Variants in CLPB observed in about 807,000 individuals in gnomAD.
CLPB encodes the protein ClpB family mitochondrial disaggregase.
In CLPB, 40 loss-of-function variants were observed where a neutral mutation model predicts 78.4. The observed-to-expected ratio is 0.51, with a 90% CI of 0.40 to 0.66. CLPB has a LOEUF of 0.66. Ranked by LOEUF, CLPB falls within the 30% of genes least tolerant of loss-of-function variation. The pLI, the probability that CLPB is intolerant of heterozygous loss-of-function variation, is 0.00. For missense variants in CLPB, 780 were observed against 886.9 expected, an observed-to-expected ratio of 0.88 and a Z score of 1.53; for synonymous variants, 333 against 348.0, an observed-to-expected ratio of 0.96 and a Z score of 0.48.
chr11:72,303,528 T>G (rs888872223), intron 9 of CLPB, among the ~76,000 whole-genome samples: 12 of 152,222 alleles, frequency 7.9e-5, no homozygotes, highest in African/African-American at 2.9e-4. Flanking sequence ...CTCCCCTTTT[T>G]GAGCTGCAGT....
At chr11:72,343,125 T>C (rs944624020) in intron 5 of CLPB, among the ~76,000 whole-genome samples, 1 of 152,150 alleles carries the variant, frequency 6.6e-6, no homozygotes, top group Non-Finnish European at 1.5e-5. Context: ...CAAAGCCAAG[T>C]AGAGCCCTCT....
intron 2 of CLPB, among the ~76,000 whole-genome samples, chr11:72,415,766 G>C (rs2135123515): frequency 6.6e-6 from 1 of 152,292 alleles, no homozygotes; most frequent in East Asian, 1.9e-4. Context: ...GTGTAACGCA[G>C]CTGCCAAGAA....
At chr11:72,305,214 T>C (rs1471029888) in intron 9 of CLPB, among the ~76,000 whole-genome samples, 1 of 152,168 alleles carries the variant, frequency 6.6e-6, no homozygotes, top group Non-Finnish European at 1.5e-5. Flanking sequence ...AGAGACTGGA[T>C]TGATTCTGGT....
intron 5 of CLPB, among the ~76,000 whole-genome samples, chr11:72,347,859 A>G (rs1950544288): frequency 1.3e-5 from 2 of 152,178 alleles, no homozygotes; most frequent in South Asian, 2.1e-4. Flanking sequence ...GTAAAAGAGG[A>G]AGGTAGAAGA....
At chr11:72,377,227 G>A (rs1476691767) in intron 4 of CLPB, among the ~76,000 whole-genome samples, 1 of 152,164 alleles carries the variant, frequency 6.6e-6, no homozygotes, top group African/African-American at 2.4e-5. Flanking sequence ...TGAGAATGCT[G>A]AATAATGCAT....
intron 1 of CLPB, 59 bp downstream of exon 1, chr11:72,434,013 T>G (rs193145330): frequency 1.9e-6 from 3 of 1,570,448 alleles, no homozygotes; most frequent in African/African-American, 2.7e-5. Flanking sequence ...CCTCCTAAGA[T>G]ACGAAGTTAG....
At position 72,358,861 on chromosome 11, in the gene CLPB, C is replaced by T; in HGVS notation, c.775+19G>A. ...CTTCCACTTCCCCCACCCCACCCCT[C>T]CTCCACCTCTGCTCTCACCTCCATC... On this transcript the variant is annotated intron_variant, in intron 5 of 15. Transcript: ENST00000538039. The T allele has an allele frequency of 2.0e-6, 3 of 1,479,932 alleles. No homozygotes were observed. The highest frequency in any genetic ancestry group is 1.8e-5 in the Admixed American group (1 of 54,350). 91.7% of individuals were successfully genotyped at this position (1,479,932 alleles called of 1,614,324 possible).
chr11:72,417,675 A>T (rs1352404229), intron 2 of CLPB, among the ~76,000 whole-genome samples: 2 of 152,232 alleles, frequency 1.3e-5, no homozygotes, highest in African/African-American at 4.8e-5. Flanking sequence ...GGAGGCAGAG[A>T]GTGCCTCATA....
intron 4 of CLPB, 149 bp from the exon 5 acceptor site, chr11:72,359,157 G>T: frequency 1.6e-6 from 2 of 1,263,962 alleles, no homozygotes; most frequent in Non-Finnish European, 2.3e-6. Flanking sequence ...GGCCATCTGT[G>T]CTGGGTAAGA....
At chr11:72,332,428 G>C (rs1255855734) in intron 5 of CLPB, among the ~76,000 whole-genome samples, 1 of 152,100 alleles carries the variant, frequency 6.6e-6, no homozygotes, top group South Asian at 2.1e-4. Context: ...GGCAGGGGCT[G>C]CAGTGAGCTG....
At chr11:72,382,211 G>A (rs1220436018) in intron 3 of CLPB, among the ~76,000 whole-genome samples, 2 of 152,106 alleles carry the variant, frequency 1.3e-5, no homozygotes, top group African/African-American at 4.8e-5. Context: ...ACAGATGCCA[G>A]TAACAGCCTG....
intron 2 of CLPB, among the ~76,000 whole-genome samples, chr11:72,424,904 CA>C (rs1251770402): frequency 6.7e-6 from 1 of 149,100 alleles, no homozygotes; most frequent in Admixed American, 6.7e-5. Flanking sequence ...CAAAACAAAA[CA>C]AAAAAAAACA....
intron 1 of CLPB, 121 bp downstream of exon 1, chr11:72,433,951 A>T: frequency 8.2e-7 from 1 of 1,222,154 alleles, no homozygotes; most frequent in Non-Finnish European, 1.1e-6. Flanking sequence ...ATGATGTCTG[A>T]GTCCCTCCAA....
At chr11:72,324,312 A>C (rs1950095372) in intron 6 of CLPB, among the ~76,000 whole-genome samples, 1 of 152,186 alleles carries the variant, frequency 6.6e-6, no homozygotes, top group South Asian at 2.1e-4. Flanking sequence ...TCATGCCTAT[A>C]ATCCCAGCAC....
chr11:72,307,648 A>G (rs966210499), intron 8 of CLPB, among the ~76,000 whole-genome samples: 3 of 152,172 alleles, frequency 2.0e-5, no homozygotes, highest in Non-Finnish European at 4.4e-5. Flanking sequence ...CCTGCCATTT[A>G]GCCAGGCCCT....
chr11:72,294,102 G>A lies in CLPB; in HGVS notation c.1705C>T (p.Leu569=). 6.2e-7 allele frequency: 1 copy of A among 1,614,186 alleles called. No individual in the cohort carries two copies. The highest frequency in any genetic ancestry group is 1.7e-5 in the Admixed American group (1 of 60,032). ...TCTGCCACCTCGCGGTCCCAGAGCAGCGTGATGTTGTGCCTTTGCTTGGCC... is the reference window on the plus strand; with the variant it reads ...TCTGCCACCTCGCGGTCCCAGAGCAACGTGATGTTGTGCCTTTGCTTGGCC... ...KRAKQRHNIT[L]LWDREVADVL... Residue 569 remains leucine (L), a synonymous_variant, in exon 15 of 16, where the codon CTG becomes TTG. Transcript: ENST00000538039.
chr11:72,388,979 G>C (rs1434966344), intron 3 of CLPB, among the ~76,000 whole-genome samples: 1 of 152,022 alleles, frequency 6.6e-6, no homozygotes, highest in Non-Finnish European at 1.5e-5. Flanking sequence ...TAAAATTAAG[G>C]GCCACACACC....
intron 2 of CLPB, among the ~76,000 whole-genome samples, chr11:72,405,926 T>A (rs543040527): frequency 8.8e-5 from 13 of 148,482 alleles, no homozygotes; most frequent in Admixed American, 6.0e-4. Context: ...AGACTCTGTC[T>A]CAAAAAAAAA....
chr11:72,354,224 C>CA (rs957249272), intron 5 of CLPB: 120 of 378,514 alleles, frequency 3.2e-4, no homozygotes, highest in Non-Finnish European at 3.6e-4. Context: ...GAAGCACATA[C>CA]AAAAAAAAAT....
Sources: allele counts gnomAD v4.1 joint callset (sites outside exome capture counted in the v4.1 genomes callset), GRCh38; gene constraint gnomAD v4.1.1; transcripts MANE v1.5; gene names NCBI Gene and HGNC (gene_info 2026-07-23, HGNC 2026-07-21).